The following CENPP variants were observed in gnomAD, a reference collection of about 807,000 sequenced individuals.
CENPP encodes the protein centromere protein P.
A neutral mutation model predicts 35.6 loss-of-function variants in CENPP; 24 were observed. The ratio of observed to expected loss-of-function variants is 0.67; its 90% CI spans 0.49 to 0.95. CENPP has a LOEUF of 0.95. CENPP is among the 40% of genes least tolerant of loss of function. The probability of loss-of-function intolerance (pLI) is 0.00; values close to 1 mark genes in which losing one functional copy is unlikely to be tolerated. For missense variants in CENPP, 332 were observed against 345.3 expected (o/e 0.96, Z 0.31); for synonymous variants, 120 against 125.5 (o/e 0.96, Z 0.29).
chr9:92,351,229 G>A (rs1279440752), intron 4 of CENPP, among the ~76,000 whole-genome samples: 1 of 152,028 alleles, frequency 6.6e-6, no homozygotes, highest in Non-Finnish European at 1.5e-5. Context: ...GGTGGCTCAC[G>A]CCTATAATCC....
At chr9:92,347,090 T>G (rs1279009855) in intron 4 of CENPP, among the ~76,000 whole-genome samples, 1 of 152,112 alleles carries the variant, frequency 6.6e-6, no homozygotes, top group Non-Finnish European at 1.5e-5. Context: ...AGTTTGCCTA[T>G]GAAGGAATAT....
intron 5 of CENPP, among the ~76,000 whole-genome samples, chr9:92,514,149 A>G (rs1847533473): frequency 6.7e-6 from 1 of 148,694 alleles, no homozygotes; most frequent in African/African-American, 2.5e-5. Context: ...TTTTTAAGAG[A>G]CAGGATCTCG....
At chr9:92,330,662 G>GT (rs1840713211) in intron 1 of CENPP, among the ~76,000 whole-genome samples, 1 of 146,386 alleles carries the variant, frequency 6.8e-6, no homozygotes, top group Non-Finnish European at 1.5e-5. Flanking sequence ...TTTTAAAAAA[G>GT]TTTAAGTTTT....
intron 5 of CENPP, among the ~76,000 whole-genome samples, chr9:92,391,150 A>G (rs1048349793): frequency 6.6e-6 from 1 of 151,562 alleles, no homozygotes; most frequent in Non-Finnish European, 1.5e-5. Context: ...TAATCCCAGC[A>G]CTTTGGGAGG....
intron 5 of CENPP, among the ~76,000 whole-genome samples, chr9:92,529,889 G>A (rs1249154596): frequency 6.6e-6 from 1 of 152,182 alleles, no homozygotes; most frequent in Non-Finnish European, 1.5e-5. Flanking sequence ...CACAGGTTCT[G>A]CATCTGTGGA....
intron 5 of CENPP, among the ~76,000 whole-genome samples, chr9:92,570,539 C>CT (rs1231087274): frequency 1.3e-5 from 2 of 152,066 alleles, no homozygotes; most frequent in Admixed American, 6.6e-5. Context: ...CTAAAATGCT[C>CT]TTTTTTTGTG....
intron 5 of CENPP, among the ~76,000 whole-genome samples, chr9:92,458,118 T>C (rs992295026): frequency 6.6e-6 from 1 of 152,256 alleles, no homozygotes; most frequent in African/African-American, 2.4e-5. Context: ...CTTGATCTTA[T>C]GTACACCAGT....
At chr9:92,592,107 G>GTATACACTTATACATGTATAAATA (rs1206642092) in intron 5 of CENPP, among the ~76,000 whole-genome samples, 6 of 151,790 alleles carry the variant, frequency 4.0e-5, no homozygotes, top group Non-Finnish European at 5.9e-5. Flanking sequence ...ATGTATAAAT[G>GTATACACTTATACATGTATAAATA]TATACACTTA....
intron 4 of CENPP, among the ~76,000 whole-genome samples, chr9:92,367,538 CATT>C (rs1841916495): frequency 6.6e-6 from 1 of 152,090 alleles, no homozygotes; most frequent in African/African-American, 2.4e-5. Flanking sequence ...CTAGAGAACC[CATT>C]TCTTGGTCCC....
chr9:92,453,311 A>T (rs562057216), intron 5 of CENPP, among the ~76,000 whole-genome samples: 1 of 152,032 alleles, frequency 6.6e-6, no homozygotes, highest in South Asian at 2.1e-4. Context: ...CTTTGTTCTC[A>T]TTGGTTTCAA....
chr9:92,418,658 G>C (rs550121550), intron 5 of CENPP, among the ~76,000 whole-genome samples: 129 of 152,258 alleles, frequency 8.5e-4, no homozygotes, highest in African/African-American at 2.9e-3. Flanking sequence ...GCTTTTGCCT[G>C]GGAGATTCTA....
chr9:92,372,741 A>C (rs1588068785), intron 4 of CENPP, among the ~76,000 whole-genome samples: 1 of 151,928 alleles, frequency 6.6e-6, no homozygotes, highest in Non-Finnish European at 1.5e-5. Context: ...CACACTGAAT[A>C]TATCATTCCA....
chr9:92,341,206 T>C (rs1011851397), intron 3 of CENPP, among the ~76,000 whole-genome samples: 1 of 152,188 alleles, frequency 6.6e-6, no homozygotes, highest in African/African-American at 2.4e-5. Context: ...AAACCCTGTC[T>C]CCTGATAAGA....
Position 92,332,283 on chromosome 9 carries a change from C to T in CENPP, c.221C>T (p.Thr74Ile). 6.2e-7 allele frequency: 1 copy of T among 1,612,532 alleles called. No individual in the cohort carries two copies. The highest frequency in any genetic ancestry group is 2.2e-5 in the East Asian group (1 of 44,738). The change falls in exon 2 of 8, where the codon ACT becomes ATT. Residue 74 changes from threonine to isoleucine, a missense_variant. Thr to Ile is a moderately conservative substitution (Grantham distance 89). Transcript: ENST00000375587. Reference sequence around the variant, plus strand: ...GAACTTTCATTTCTAAGTACGCTTACTGGCATCAATATAAGAAATCACTCC... The same window carrying T: ...GAACTTTCATTTCTAAGTACGCTTATTGGCATCAATATAAGAAATCACTCC... Reference protein sequence around the residue: ...ESELSFLSTLTGINIRNHSKQ... With the variant: ...ESELSFLSTLIGINIRNHSKQ...
intron 5 of CENPP, among the ~76,000 whole-genome samples, chr9:92,454,124 C>G (rs928239232): frequency 6.6e-6 from 1 of 152,092 alleles, no homozygotes; most frequent in African/African-American, 2.4e-5. Context: ...TTTGTATTCA[C>G]CAGAAAATGT....
chr9:92,410,051 T>C (rs1486910874), intron 5 of CENPP, among the ~76,000 whole-genome samples: 4 of 151,976 alleles, frequency 2.6e-5, no homozygotes, highest in Non-Finnish European at 5.9e-5. Context: ...ACTCTCCTGC[T>C]TCAGCCTCCC....
At chr9:92,419,363 C>T (rs1225996559) in intron 5 of CENPP, among the ~76,000 whole-genome samples, 2 of 141,420 alleles carry the variant, frequency 1.4e-5, no homozygotes, top group African/African-American at 5.4e-5. Context: ...TGCAGTGGTG[C>T]GATCTCGGCT....
chr9:92,421,794 G>A (rs995477555), intron 5 of CENPP, among the ~76,000 whole-genome samples: 1 of 152,140 alleles, frequency 6.6e-6, no homozygotes, highest in African/African-American at 2.4e-5. Context: ...CTTAGTGGAG[G>A]AGAGAGATAC....
At chr9:92,446,956 A>T (rs776126939) in intron 5 of CENPP, among the ~76,000 whole-genome samples, 5 of 151,628 alleles carry the variant, frequency 3.3e-5, no homozygotes, top group Admixed American at 6.6e-5. Flanking sequence ...AGCTCAGTAA[A>T]TCAGCACTTT....
Sources: gnomAD v4.1 joint callset for allele counts (sites outside exome capture counted in the v4.1 genomes callset) on GRCh38, gnomAD v4.1.1 for gene constraint, MANE v1.5 for transcripts, NCBI Gene and HGNC (gene_info 2026-07-23, HGNC 2026-07-21) for gene names.